AP3D1: variants seen among roughly 807,000 people sequenced by gnomAD.
The protein encoded by AP3D1 is AP-3 complex subunit delta-1.
Under a neutral mutation model 147.6 loss-of-function variants are expected in AP3D1, and 51 were observed. The ratio of observed to expected loss-of-function variants is 0.35; its 90% confidence interval spans 0.28 to 0.44. The LOEUF (loss-of-function observed/expected upper bound fraction) is 0.44. Ranked by LOEUF, AP3D1 falls within the 20% of genes least tolerant of loss-of-function variation. The pLI is 1.00. For missense variants in AP3D1, 1,421 were observed against 1,624.2 expected (o/e 0.87, Z 2.15); for synonymous variants, 760 against 663.0 (o/e 1.15, Z -2.25).
chr19:2,120,069 T>TG (rs2018567563), intron 14 of AP3D1, among the ~76,000 whole-genome samples: 1 of 151,234 alleles, frequency 6.6e-6, no homozygotes, highest in Non-Finnish European at 1.5e-5. Flanking sequence ...AGGCCCAGGG[T>TG]GGGGAGTGCT....
chr19:2,111,899 G>A, intron 24 of AP3D1, 71 bp from the exon 25 acceptor site: 1 of 1,603,434 alleles, frequency 6.2e-7, no homozygotes, highest in Non-Finnish European at 8.5e-7. Context: ...TGTGAGGTCA[G>A]GATCACAGCA....
At chr19:2,105,684 A>G (rs985853577) in intron 31 of AP3D1, among the ~76,000 whole-genome samples, 1 of 152,036 alleles carries the variant, frequency 6.6e-6, no homozygotes, top group Non-Finnish European at 1.5e-5. Flanking sequence ...AGTGTCTTTA[A>G]TTCCTCTAGC....
intron 1 of AP3D1, among the ~76,000 whole-genome samples, chr19:2,157,648 C>T (rs1319177001): frequency 3.1e-5 from 4 of 129,086 alleles, no homozygotes; most frequent in African/African-American, 1.2e-4. Context: ...CACCCATCAA[C>T]GTTAGTTGAA....
rs375585068 is a variant in AP3D1, at chr19:2,115,678, C to G, written c.2074-65G>C. The G allele has an allele frequency of 7.2e-6, 11 of 1,534,332 alleles. No homozygotes were observed. In the South Asian group the frequency reaches 1.0e-4, roughly 14 times the overall value. On this transcript the variant is annotated intron_variant, in intron 18 of 31. Coordinates refer to ENST00000643116, the MANE Select transcript of AP3D1 (RefSeq NM_001261826.3). ...GGTGACACACGTGCAAGACAAGCCT[C>G]GGGGATGCAGGGAGCGTGACGCAGC... is the stretch of plus-strand genomic sequence containing the variant.
chr19:2,159,924 G>C (rs1324499172), intron 1 of AP3D1, among the ~76,000 whole-genome samples: 3 of 152,130 alleles, frequency 2.0e-5, no homozygotes, highest in South Asian at 2.1e-4. Context: ...CACCACGTTA[G>C]CCAGAATGGT....
In AP3D1 at chr19:2,157,803, C is replaced by T. The variant is rs142309588; in HGVS notation, c.-103+6553G>A. On this transcript the variant is annotated intron_variant, in intron 1 of 14. Coordinates refer to the AP3D1 transcript ENST00000643010. ...TTTGGCAAGGAGCAGGAATGGAGAA[C>T]AAAGCTGTAGGCAGCAGCAGGATTG... Among the ~76,000 whole-genome samples the T allele has an allele frequency of 1.5e-4, 23 of 152,078 alleles. No homozygotes were observed. The East Asian group carries it at 4.2e-3, about 28-fold the overall frequency.
intron 24 of AP3D1, chr19:2,112,053 C>A (rs2018297587): frequency 1.6e-6 from 1 of 641,890 alleles, no homozygotes; most frequent in Non-Finnish European, 2.6e-6. Flanking sequence ...CCAAAGCAGC[C>A]CGGGGAACAG....
intron 1 of AP3D1, among the ~76,000 whole-genome samples, chr19:2,147,701 C>T (rs1197160933): frequency 2.0e-5 from 3 of 147,890 alleles, no homozygotes; most frequent in Non-Finnish European, 4.5e-5. Context: ...TGAGACCATA[C>T]TGGCCAACAT....
chr19:2,102,285 G>C lies in AP3D1; in HGVS notation c.3553-17C>G, dbSNP rs765970792. 3 of 1,601,946 alleles carry C rather than the reference G, an allele frequency of 1.9e-6. No individual in the cohort carries two copies. In the Admixed American group the frequency reaches 5.0e-5, roughly 27 times the overall value. ...GTTCTCACCCTGTGTAAGGAAAAAA[G>C]ATGGATATTTTAAAAGTGTGTGCAG... On this transcript the variant is annotated splice_polypyrimidine_tract_variant and intron_variant, in intron 31 of 31. Coordinates refer to ENST00000643116, the MANE Select transcript of AP3D1 (RefSeq NM_001261826.3).
intron 1 of AP3D1, among the ~76,000 whole-genome samples, chr19:2,143,071 C>CT (rs942092954): frequency 4.0e-5 from 6 of 151,056 alleles, no homozygotes; most frequent in Admixed American, 2.0e-4. Flanking sequence ...GCCTCTTTTT[C>CT]TTTTTTTTCT....
At chr19:2,142,256 G>A (rs1476188505) in intron 1 of AP3D1, among the ~76,000 whole-genome samples, 2 of 151,230 alleles carry the variant, frequency 1.3e-5, no homozygotes, top group Non-Finnish European at 2.9e-5. Flanking sequence ...CAAGTAATTC[G>A]CCAGCCTCAG....
At chr19:2,154,254 ATATT>A (rs1479672733), upstream of AP3D1, among the ~76,000 whole-genome samples, 6 of 149,306 alleles carry the variant, frequency 4.0e-5, no homozygotes, top group East Asian at 4.0e-4. Flanking sequence ...AGCCTCAGAA[ATATT>A]TATTTATTTA....
At chr19:2,143,479 A>G (rs1242408583) in intron 1 of AP3D1, among the ~76,000 whole-genome samples, 3 of 151,572 alleles carry the variant, frequency 2.0e-5, no homozygotes, top group Non-Finnish European at 4.4e-5. Flanking sequence ...TGACCTTGTG[A>G]TCCGCCCACC....
intron 11 of AP3D1, among the ~76,000 whole-genome samples, chr19:2,122,137 G>A (rs373980949): frequency 1.3e-5 from 2 of 152,150 alleles, no homozygotes; most frequent in East Asian, 1.9e-4. Context: ...CTACTACCAC[G>A]TTGTAGTAGC....
At chr19:2,154,788 C>T (rs1202574239), upstream of AP3D1, among the ~76,000 whole-genome samples, 1 of 152,250 alleles carries the variant, frequency 6.6e-6, no homozygotes, top group East Asian at 1.9e-4. Context: ...CTGCCTGGCT[C>T]CCCAGTCAGT....
intron 4 of AP3D1, among the ~76,000 whole-genome samples, chr19:2,136,250 A>G (rs1404356457): frequency 1.3e-5 from 2 of 152,224 alleles, no homozygotes; most frequent in African/African-American, 4.8e-5. Context: ...GCCGGACATC[A>G]GTCACAGCCA....
chr19:2,152,209 C>T (rs1171458146), upstream of AP3D1, among the ~76,000 whole-genome samples: 1 of 151,970 alleles, frequency 6.6e-6, no homozygotes, highest in Admixed American at 6.6e-5. Flanking sequence ...TACTGAGTCC[C>T]TGCCTTCCGA....
intron 1 of AP3D1, among the ~76,000 whole-genome samples, chr19:2,145,707 C>T (rs1379617775): frequency 6.6e-6 from 1 of 152,078 alleles, no homozygotes; most frequent in African/African-American, 2.4e-5. Flanking sequence ...CAGAACTCAC[C>T]CCCACCCACA....
chr19:2,111,718 C>T lies in AP3D1; in HGVS notation c.2898G>A (p.Glu966=), dbSNP rs2018283775. 31 of 1,602,850 alleles carry T rather than the reference C, an allele frequency of 1.9e-5. No homozygotes were observed. The highest frequency in any genetic ancestry group is 2.5e-5 in the Non-Finnish European group (29 of 1,175,520). ...CCTCTGGCGCGCCATTCTGCACCGG[C>T]TCCCCCGCTGCCTCCTCGCTGCCTG... ...QPPGSEEAAG[E]PVQNGAPEEE... Residue 966 remains glutamate, a synonymous_variant, in exon 25 of 32, where the codon GAG becomes GAA. Coordinates refer to ENST00000643116, the MANE Select transcript of AP3D1 (RefSeq NM_001261826.3).
Sources: gnomAD v4.1 joint callset for allele counts (sites outside exome capture counted in the v4.1 genomes callset) on GRCh38, gnomAD v4.1.1 for gene constraint, MANE v1.5 for transcripts, NCBI Gene and HGNC (gene_info 2026-07-23, HGNC 2026-07-21) for gene names.